Variants in ZNF439 observed in about 807,000 individuals in gnomAD.
ZNF439 encodes the protein zinc finger protein 439.
In ZNF439, 40 loss-of-function variants were observed where a neutral mutation model predicts 47.3. That is an observed-to-expected ratio of 0.85 (90% CI 0.66 to 1.10). The LOEUF (loss-of-function observed/expected upper bound fraction) is 1.10, where lower values mean the gene tolerates loss of function less well. Ranked by LOEUF, ZNF439 falls within the 50% of genes least tolerant of loss-of-function variation. ZNF439 has a pLI of 0.00. For missense variants in ZNF439, 556 were observed against 601.1 expected (o/e 0.93, Z 0.78); for synonymous variants, 171 against 198.8 (o/e 0.86, Z 1.18).
intron 1 of ZNF439, chr19:11,857,820 T>C (rs1976428212): frequency 6.6e-6 from 1 of 152,230 alleles, no homozygotes; most frequent in South Asian, 2.1e-4. Context: ...TCAGTAACAA[T>C]AGTGCCTAAG....
At chr19:11,852,421 T>C (rs186210281) in intron 1 of ZNF439, among the ~76,000 whole-genome samples, 10 of 152,360 alleles carry the variant, frequency 6.6e-5, no homozygotes, top group Non-Finnish European at 1.5e-5. Flanking sequence ...TTGAAAGCTG[T>C]GTGTCATGTG....
At chr19:11,854,901 C>T (rs1053682126) in intron 1 of ZNF439, among the ~76,000 whole-genome samples, 1 of 152,234 alleles carries the variant, frequency 6.6e-6, no homozygotes, top group Non-Finnish European at 1.5e-5. Context: ...ATTAAAAACA[C>T]AAACCGTAAA....
intron 1 of ZNF439, chr19:11,857,289 A>G (rs1976412378): frequency 6.6e-6 from 1 of 152,244 alleles, no homozygotes; most frequent in African/African-American, 2.4e-5. Flanking sequence ...TTTGCTACAC[A>G]GTCGATATTT....
Position 11,848,763 on chromosome 19 carries a change from C to G in ZNF439, c.-105C>G, listed in dbSNP as rs946685665. 10 of 1,292,436 alleles carry G rather than the reference C, an allele frequency of 7.7e-6. No individual in the cohort carries two copies. The highest frequency in any genetic ancestry group is 4.1e-5 in the South Asian group (3 of 73,282). The allele number at this position is 1,292,436 out of a possible 1,614,324, so 80.1% of individuals were successfully genotyped here. On this transcript the variant is annotated 5_prime_UTR_variant, in exon 1 of 4. Coordinates refer to ENST00000682736, the MANE Select transcript of ZNF439 (RefSeq NM_001348719.2). ...GGCACGGAGGATGTTGCATTCCTGC[C>G]GTCACCTTTGTCGCTGCGAGGGCGG...
At chr19:11,853,086 C>T (rs968451140) in intron 1 of ZNF439, among the ~76,000 whole-genome samples, 7 of 151,874 alleles carry the variant, frequency 4.6e-5, no homozygotes, top group East Asian at 3.9e-4. Flanking sequence ...CCTGCCACCA[C>T]GCCTGGCTAA....
intron 1 of ZNF439, 141 bp downstream of exon 1, chr19:11,849,071 G>C (rs1168224890): frequency 8.2e-7 from 1 of 1,224,186 alleles, no homozygotes; most frequent in African/African-American, 1.6e-5. Flanking sequence ...GCGGCCGCTG[G>C]ATGTGGGTGG....
chr19:11,863,601 G>T (rs1263010986), intron 1 of ZNF439, among the ~76,000 whole-genome samples: 1 of 152,038 alleles, frequency 6.6e-6, no homozygotes, highest in Non-Finnish European at 1.5e-5. Context: ...TCTCTTAACA[G>T]ACTCTTTTCC....
Position 11,866,332 on chromosome 19 carries a change from G to A in ZNF439, c.190+1G>A, listed in dbSNP as rs10420385. 5,698 of 1,614,080 alleles carry A rather than the reference G, an allele frequency of 3.5e-3. 164 individuals are homozygous for A. The African/African-American group carries it at 0.066, about 19-fold the overall frequency. Reference sequence around the variant, plus strand: ...ACTTTCTGGAACCTGACCTCTATAGGTAAGGATGACAATATTCCTTCCCTC... The same window carrying A: ...ACTTTCTGGAACCTGACCTCTATAGATAAGGATGACAATATTCCTTCCCTC... On this transcript the variant is annotated splice_donor_variant, in intron 2 of 3. Transcript: ENST00000682736. LOFTEE classifies it high-confidence loss of function.
chr19:11,848,808 C>G lies in ZNF439; in HGVS notation c.-60C>G. 1.3e-5 allele frequency: 19 copies of G among 1,465,002 alleles called. No homozygotes were observed. The highest frequency in any genetic ancestry group is 1.6e-5 in the Non-Finnish European group (18 of 1,091,610). 90.8% of individuals were successfully genotyped at this position (1,465,002 alleles called of 1,614,324 possible). ...GGGCGGCGGTTGGGATCTGGCCTTT[C>G]CAGCCCCGAGAGGGACCTAGTGCCT... is the stretch of plus-strand genomic sequence containing the variant. On this transcript the variant is annotated 5_prime_UTR_variant, in exon 1 of 4. Transcript: ENST00000682736.
chr19:11,854,764 A>C (rs900955322), intron 1 of ZNF439, among the ~76,000 whole-genome samples: 3 of 152,338 alleles, frequency 2.0e-5, no homozygotes, highest in Non-Finnish European at 4.4e-5. Context: ...CTCAAAAAAA[A>C]AAAAGAGATA....
rs983681277 is a variant in ZNF439, at chr19:11,848,741, A to T, written c.-127A>T. ...GGCCCTGCCCACTGTGCATCCAGGCACGGAGGATGTTGCATTCCTGCCGTC... is the reference window on the plus strand; with the variant it reads ...GGCCCTGCCCACTGTGCATCCAGGCTCGGAGGATGTTGCATTCCTGCCGTC... On this transcript the variant is annotated 5_prime_UTR_variant, in exon 1 of 4. Coordinates refer to ENST00000682736, the MANE Select transcript of ZNF439 (RefSeq NM_001348719.2). The T allele has an allele frequency of 2.3e-5, 28 of 1,210,564 alleles. No homozygotes were observed. The highest frequency in any genetic ancestry group is 2.6e-5 in the Non-Finnish European group (25 of 943,622). 75.0% of individuals were successfully genotyped at this position (1,210,564 alleles called of 1,614,324 possible). A position where few individuals can be genotyped will look rare whatever the true frequency, so the allele number is the denominator to read the frequency against.
At chr19:11,856,831 T>G (rs1471439502) in intron 1 of ZNF439, 1 of 152,250 alleles carries the variant, frequency 6.6e-6, no homozygotes, top group African/African-American at 2.4e-5. Context: ...TCCAGGGAGT[T>G]GTATGTGAGA....
At chr19:11,849,554 G>A (rs1313453640) in intron 1 of ZNF439, 1 of 154,146 alleles carries the variant, frequency 6.5e-6, no homozygotes, top group Non-Finnish European at 1.4e-5. Flanking sequence ...GGAATTGCAG[G>A]GAAAATGATG....
In ZNF439 at chr19:11,869,157, G is replaced by T; in HGVS notation, c.*588G>T. 1 of 202,606 alleles carries T rather than the reference G, an allele frequency of 4.9e-6. No homozygotes were observed. The allele number at this position is 202,606 out of a possible 1,614,324, so 12.6% of individuals were successfully genotyped here. A position where few individuals can be genotyped will look rare whatever the true frequency, so the allele number is the denominator to read the frequency against. Reference sequence around the variant, plus strand: ...CCAGAAGGAAACCCTATGAATGTAAGCAATGTGGCAAAAGCTTTCACTTCT... The same window carrying T: ...CCAGAAGGAAACCCTATGAATGTAATCAATGTGGCAAAAGCTTTCACTTCT... On this transcript the variant is annotated 3_prime_UTR_variant, in exon 4 of 4. Coordinates refer to ENST00000682736, the MANE Select transcript of ZNF439 (RefSeq NM_001348719.2).
chr19:11,868,370 G>C lies in ZNF439; in HGVS notation c.1316G>C (p.Gly439Ala). ...NLQLHGRTHTGEKPYQCKECG... is the reference protein window; with the variant it reads ...NLQLHGRTHTAEKPYQCKECG... ...CAATTGCATGGTAGGACTCACACTGGAGAGAAACCGTATCAATGTAAGGAA... is the reference window on the plus strand; with the variant it reads ...CAATTGCATGGTAGGACTCACACTGCAGAGAAACCGTATCAATGTAAGGAA... The change falls in exon 4 of 4, where the codon GGA becomes GCA. Residue 439 changes from glycine to alanine, a missense_variant. Coordinates refer to ENST00000682736, the MANE Select transcript of ZNF439 (RefSeq NM_001348719.2). 1 of 1,605,974 alleles carries C rather than the reference G, an allele frequency of 6.2e-7. No individual in the cohort carries two copies. The highest frequency in any genetic ancestry group is 8.5e-7 in the Non-Finnish European group (1 of 1,173,628).
rs769324888 is a variant in ZNF439, at chr19:11,867,547, A to T, written c.493A>T (p.Ser165Cys). The T allele has an allele frequency of 1.2e-6, 2 of 1,614,182 alleles. No homozygotes were observed. Among genetic ancestry groups the T allele is most frequent in the South Asian group, 2.2e-5 (2 of 91,084 alleles). The stretch of plus-strand genomic sequence containing the variant: ...GGAATATGGACCAAAGCCATGGAAG[A>T]GTCAACAACCTAAAAAAGCCTTCAG... ...CQEYGPKPWK[S>C]QQPKKAFRYH... Residue 165 changes from serine (S) to cysteine (C), a missense_variant, in exon 4 of 4, where the codon AGT becomes TGT. By Grantham distance (112) the Ser-to-Cys change is moderately radical (BLOSUM62 -1). Transcript: ENST00000682736.
At chr19:11,851,253 T>G (rs899237511) in intron 1 of ZNF439, 2 of 152,222 alleles carry the variant, frequency 1.3e-5, no homozygotes, top group Admixed American at 1.3e-4. Context: ...AACTAAGCTG[T>G]GCCTACCTGC....
intron 1 of ZNF439, among the ~76,000 whole-genome samples, chr19:11,860,735 G>T (rs1057049840): frequency 1.3e-5 from 2 of 152,150 alleles, no homozygotes; most frequent in Middle Eastern, 3.4e-3. Flanking sequence ...GGGGGTGGTT[G>T]TAGGTCAGCT....
intron 1 of ZNF439, among the ~76,000 whole-genome samples, chr19:11,865,232 C>T (rs1207106972): frequency 6.6e-6 from 1 of 152,150 alleles, no homozygotes; most frequent in Admixed American, 6.5e-5. Context: ...AATCTGTGCT[C>T]ATTACACCTG....
Sources: allele counts gnomAD v4.1 joint callset (sites outside exome capture counted in the v4.1 genomes callset), GRCh38; gene constraint gnomAD v4.1.1; transcripts MANE v1.5; gene names NCBI Gene and HGNC (gene_info 2026-07-23, HGNC 2026-07-21).